DPP9: variants seen among roughly 807,000 people sequenced by gnomAD.
DPP9 encodes the protein dipeptidyl peptidase IV-related protein-2.
A neutral mutation model predicts 110.7 loss-of-function variants in DPP9; 50 were observed. That is an observed-to-expected ratio of 0.45 (90% CI 0.36 to 0.57). DPP9 has a LOEUF of 0.57. Among genes scored for constraint, DPP9 ranks in the 20% least tolerant of loss-of-function variants. The probability of loss-of-function intolerance (pLI) is 0.00; values close to 1 mark genes in which losing one functional copy is unlikely to be tolerated. For synonymous variants in DPP9, 561 were observed against 514.4 expected, an observed-to-expected ratio of 1.09 and a Z score of -1.23; for missense variants, 1,022 against 1,217.9, an observed-to-expected ratio of 0.84 and a Z score of 2.39.
At position 4,682,990 on chromosome 19, in the gene DPP9, C is replaced by CGCGTGGCCCCCGTGGACGGT; in HGVS notation, c.2332-172_2332-153dup. ...GCCGGCAAGGAAGGGGCCCTCAGACCGCGTGGCCCCCGTGGACGGTGCGTG... is the reference window on the plus strand; with the variant it reads ...GCCGGCAAGGAAGGGGCCCTCAGACCGCGTGGCCCCCGTGGACGGTGCGTGGCCCCCGTGGACGGTGCGTG... On this transcript the variant is annotated intron_variant, in intron 19 of 21. Coordinates refer to ENST00000262960, the MANE Select transcript of DPP9 (RefSeq NM_139159.5). This position sits in a 1 kb window ranked among gnomAD's most constrained non-coding sequence, Gnocchi z 7.1. 3 of 1,530,978 alleles carry CGCGTGGCCCCCGTGGACGGT rather than the reference C, an allele frequency of 2.0e-6. No individual in the cohort carries two copies. Among genetic ancestry groups the CGCGTGGCCCCCGTGGACGGT allele is most frequent in the Non-Finnish European group, 2.6e-6 (3 of 1,144,976 alleles). 94.8% of individuals were successfully genotyped at this position (1,530,978 alleles called of 1,614,324 possible).
Position 4,676,384 on chromosome 19 carries a change from C to T in DPP9, c.*180G>A, listed in dbSNP as rs1160937277. ...AAGCAGCGGACATAAAACCCAAGAG[C>T]GTTTAAAAAAGGATAAAAGGCGTCG... On this transcript the variant is annotated 3_prime_UTR_variant, in exon 22 of 22. Coordinates refer to ENST00000262960, the MANE Select transcript of DPP9 (RefSeq NM_139159.5). This position sits in a 1 kb window ranked among gnomAD's most constrained non-coding sequence, Gnocchi z 4.0. The T allele has an allele frequency of 1.8e-5, 11 of 605,288 alleles. No individual in the cohort carries two copies. In the Admixed American group the frequency reaches 2.8e-4, roughly 15 times the overall value. 37.5% of individuals were successfully genotyped at this position (605,288 alleles called of 1,614,324 possible).
rs145138860 is a variant in DPP9, at chr19:4,706,195, C to T, written c.314-225G>A. Among the ~76,000 whole-genome samples the T allele has an allele frequency of 3.8e-3, 578 of 151,964 alleles. 2 individuals carry two copies. Among genetic ancestry groups the T allele is most frequent in the African/African-American group, 0.013 (555 of 41,434 alleles). On this transcript the variant is annotated intron_variant, in intron 4 of 21. Transcript: ENST00000262960. Reference sequence around the variant, plus strand: ...TGCTGAATCTCACGGCCTGAATTACCGAAGAAACAGCACACAAGAGGCTGG... The same window carrying T: ...TGCTGAATCTCACGGCCTGAATTACTGAAGAAACAGCACACAAGAGGCTGG...
rs1172274259 is a variant in DPP9 at position 4,718,975 on chromosome 19, C to A, written c.56+876G>T. On this transcript the variant is annotated intron_variant, in intron 3 of 21. Transcript: ENST00000262960. The surrounding 1 kb of genome is among the most constrained non-coding windows in gnomAD (Gnocchi z 4.3). ...AGTTTACTGACTGCCCCGGGGGGTG[C>A]GTGTCTAACCACATTCCATCCACAC... is the stretch of plus-strand genomic sequence containing the variant. Among the ~76,000 whole-genome samples, 1 of 152,044 alleles carries A rather than the reference C, an allele frequency of 6.6e-6. No homozygotes were observed. The highest frequency in any genetic ancestry group is 1.5e-5 in the Non-Finnish European group (1 of 68,028).
rs138074347 is a variant in DPP9, at chr19:4,684,879, C to T, written c.2032-70G>A. On this transcript the variant is annotated intron_variant, in intron 17 of 21. Transcript: ENST00000262960. This position sits in a 1 kb window ranked among gnomAD's most constrained non-coding sequence, Gnocchi z 4.8. ...AGGACGGGCCTGGCAGGGGAGATGC[C>T]GGTGGGCTGGGGACCGGGCCGGGCT... The T allele has an allele frequency of 1.5e-4, 230 of 1,548,914 alleles. No homozygotes were observed. The African/African-American group carries it at 2.4e-3, about 16-fold the overall frequency.
intron 2 of DPP9, among the ~76,000 whole-genome samples, chr19:4,721,590 G>A (rs2093325154): frequency 6.6e-6 from 1 of 152,196 alleles, no homozygotes; most frequent in Non-Finnish European, 1.5e-5. Flanking sequence ...AGACCAGCCT[G>A]GCCAACATGG....
rs746181576 is a variant in DPP9 at position 4,676,668 on chromosome 19, C to G, written c.2587-12G>C. The G allele has an allele frequency of 1.9e-6, 3 of 1,590,894 alleles. No homozygotes were observed. Among genetic ancestry groups the G allele is most frequent in the South Asian group, 2.3e-5 (2 of 87,874 alleles). On this transcript the variant is annotated splice_polypyrimidine_tract_variant and intron_variant, in intron 21 of 21. Coordinates refer to ENST00000262960, the MANE Select transcript of DPP9 (RefSeq NM_139159.5). This position sits in a 1 kb window ranked among gnomAD's most constrained non-coding sequence, Gnocchi z 4.0. ...TCGTTGGGGTAGATCTGCGGGGAGA[C>G]AGGAGGCAGGGCTGGGGGGCGTGGC...
intron 7 of DPP9, 63 bp downstream of exon 7, chr19:4,703,823 G>A: frequency 6.6e-7 from 1 of 1,525,850 alleles, no homozygotes; most frequent in Non-Finnish European, 8.9e-7. Context: ...TGGGGGCAAT[G>A]GGGCCTTTCT....
intron 13 of DPP9, among the ~76,000 whole-genome samples, chr19:4,691,731 G>A (rs1394994749): frequency 6.9e-6 from 1 of 144,596 alleles, no homozygotes; most frequent in Non-Finnish European, 1.5e-5. Flanking sequence ...AGGCTGGAGT[G>A]CAATGGCGTG....
chr19:4,715,207 G>C (rs571555375), intron 3 of DPP9, among the ~76,000 whole-genome samples: 3 of 151,748 alleles, frequency 2.0e-5, no homozygotes, highest in Middle Eastern at 3.4e-3. Context: ...ATTTTTAGTA[G>C]AGACAGGGTT....
chr19:4,700,360 G>T lies in DPP9; in HGVS notation c.1013-83C>A. ...CCGGCACGGGGGGCCTGGGCTGTGG[G>T]GTGACGTCCACAGAGAGGTGTACAA... On this transcript the variant is annotated intron_variant, in intron 9 of 21. Transcript: ENST00000262960. The surrounding 1 kb of genome is among the most constrained non-coding windows in gnomAD (Gnocchi z 4.3). 1 of 1,167,658 alleles carries T rather than the reference G, an allele frequency of 8.6e-7. No homozygotes were observed. Among genetic ancestry groups the T allele is most frequent in the South Asian group, 1.5e-5 (1 of 64,554 alleles). 72.3% of individuals were successfully genotyped at this position (1,167,658 alleles called of 1,614,324 possible).
At chr19:4,720,728 C>T (rs539643194) in intron 2 of DPP9, among the ~76,000 whole-genome samples, 1 of 152,264 alleles carries the variant, frequency 6.6e-6, no homozygotes, top group South Asian at 2.1e-4. Context: ...GCTTAGCACC[C>T]CACAGTGCCC....
Position 4,685,254 on chromosome 19 carries a change from A to C in DPP9, c.2031+372T>G. ...CTGCTCTGGGTAAGATGTGCGCCTA[A>C]GATGGTCCAACTGCCAATCTGCTGC... On this transcript the variant is annotated intron_variant, in intron 17 of 21. Coordinates refer to ENST00000262960, the MANE Select transcript of DPP9 (RefSeq NM_139159.5). The surrounding 1 kb of genome is among the most constrained non-coding windows in gnomAD (Gnocchi z 5.8). 1.9e-6 allele frequency: 1 copy of C among 525,982 alleles called. No homozygotes were observed. The highest frequency in any genetic ancestry group is 3.7e-6 in the Non-Finnish European group (1 of 272,568). 32.6% of individuals were successfully genotyped at this position (525,982 alleles called of 1,614,324 possible). A position where few individuals can be genotyped will look rare whatever the true frequency, so the allele number is the denominator to read the frequency against.
At chr19:4,703,769 G>C (rs1201694076) in intron 7 of DPP9, 117 bp downstream of exon 7, 4 of 1,102,526 alleles carry the variant, frequency 3.6e-6, no homozygotes, top group Admixed American at 2.2e-5. Flanking sequence ...AGGTATGCAC[G>C]GGAGGGTGGC....
rs1016061886 is a variant in DPP9 at position 4,700,443 on chromosome 19, G to A, written c.1013-166C>T. Among the ~76,000 whole-genome samples, 7 of 152,208 alleles carry A rather than the reference G, an allele frequency of 4.6e-5. No homozygotes were observed. Among genetic ancestry groups the A allele is most frequent in the Non-Finnish European group, 7.4e-5 (5 of 68,026 alleles). On this transcript the variant is annotated intron_variant, in intron 9 of 21. Transcript: ENST00000262960. The surrounding 1 kb of genome is among the most constrained non-coding windows in gnomAD (Gnocchi z 4.3). ...CCCACGGTCTGTCTGTAGGCACATC[G>A]TCCTGCTGGAACAGGCATGACACCC...
At position 4,684,858 on chromosome 19, in the gene DPP9, C is replaced by T. The variant is rs752581303; in HGVS notation, c.2032-49G>A. On this transcript the variant is annotated intron_variant, in intron 17 of 21. Coordinates refer to ENST00000262960, the MANE Select transcript of DPP9 (RefSeq NM_139159.5). This position sits in a 1 kb window ranked among gnomAD's most constrained non-coding sequence, Gnocchi z 4.8. ...GTCCAGCACGAGATGCCGGGCAGGA[C>T]GGGCCTGGCAGGGGAGATGCCGGTG... 42 of 1,561,484 alleles carry T rather than the reference C, an allele frequency of 2.7e-5. 1 individual carries two copies. Among genetic ancestry groups the T allele is most frequent in the African/African-American group, 8.2e-5 (6 of 73,500 alleles).
At chr19:4,696,223 G>T (rs1432436200) in intron 11 of DPP9, among the ~76,000 whole-genome samples, 1 of 152,134 alleles carries the variant, frequency 6.6e-6, no homozygotes, top group Middle Eastern at 3.4e-3. Context: ...TTTTAAACTT[G>T]AATTTATTTT....
chr19:4,689,614 G>A lies in DPP9; in HGVS notation c.1705C>T (p.Arg569Cys), dbSNP rs202052088. 3.5e-5 allele frequency: 55 copies of A among 1,573,894 alleles called. No individual in the cohort carries two copies. Among genetic ancestry groups the A allele is most frequent in the Admixed American group, 7.3e-5 (4 of 54,542 alleles). Residue 569 changes from arginine (R) to cysteine (C), a missense_variant, in exon 15 of 22, where the codon CGC becomes TGC. By Grantham distance (180) the Arg-to-Cys change is radical. Transcript: ENST00000262960. This position sits in a 1 kb window ranked among gnomAD's most constrained non-coding sequence, Gnocchi z 7.0. ...TGGGAGAAGCCGGGCGTGGTGAGGC[G>A]TACGATCTCGCCGGCCGCCTCATAG... ...VSYEAAGEIV[R>C]LTTPGFSHSC...
intron 11 of DPP9, among the ~76,000 whole-genome samples, chr19:4,696,681 A>G (rs2091829040): frequency 6.6e-6 from 1 of 151,866 alleles, no homozygotes; most frequent in Admixed American, 6.6e-5. Flanking sequence ...CCTGGGAGTC[A>G]GAGGTTGCAG....
chr19:4,684,583 T>C lies in DPP9; in HGVS notation c.2178+80A>G. On this transcript the variant is annotated intron_variant, in intron 18 of 21. Transcript: ENST00000262960. The surrounding 1 kb of genome is among the most constrained non-coding windows in gnomAD (Gnocchi z 4.8). The stretch of plus-strand genomic sequence containing the variant: ...TCTGCGGGTGGTATTCCAGAGCCGC[T>C]CCCATGCCCTGCACCCACACGGCCC... 1 of 1,542,174 alleles carries C rather than the reference T, an allele frequency of 6.5e-7. No individual in the cohort carries two copies. Among genetic ancestry groups the C allele is most frequent in the Non-Finnish European group, 8.8e-7 (1 of 1,136,938 alleles).
Sources: allele counts gnomAD v4.1 joint callset (sites outside exome capture counted in the v4.1 genomes callset), GRCh38; gene constraint gnomAD v4.1.1; non-coding constraint Gnocchi (gnomAD v3.1); transcripts MANE v1.5; gene names NCBI Gene and HGNC (gene_info 2026-07-23, HGNC 2026-07-21).